The following AP2M1 variants were observed in gnomAD, a reference collection of about 807,000 sequenced individuals.
AP2M1 encodes the protein adaptor related protein complex 2 subunit mu 1.
Under a neutral mutation model 54.5 loss-of-function variants are expected in AP2M1, and 5 were observed. The observed-to-expected ratio is 0.09, with a 90% CI of 0.05 to 0.19. The LOEUF is 0.19. Ranked by LOEUF, AP2M1 falls within the 10% of genes least tolerant of loss-of-function variation. The probability of loss-of-function intolerance (pLI) is 1.00; values close to 1 mark genes in which losing one functional copy is unlikely to be tolerated. For missense variants in AP2M1, 178 were observed against 580.2 expected (o/e 0.31, Z 7.12); for synonymous variants, 186 against 208.2 (o/e 0.89, Z 0.92).
At chr3:184,176,447 G>A (rs897894053) in intron 1 of AP2M1, among the ~76,000 whole-genome samples, 1 of 152,150 alleles carries the variant, frequency 6.6e-6, no homozygotes, top group East Asian at 1.9e-4. Flanking sequence ...TTAGAGTGCC[G>A]GAAGTTCAGG....
rs1477034906 is a variant in AP2M1 at position 184,183,440 on chromosome 3, G to C, written c.1174-42G>C. 1 of 1,612,438 alleles carries C rather than the reference G, an allele frequency of 6.2e-7. No individual in the cohort carries two copies. Among genetic ancestry groups the C allele is most frequent in the Admixed American group, 1.7e-5 (1 of 59,950 alleles). ...CGGGACTTCCCAGAGGAGAGCGGCT[G>C]TAAGAGGAAGGCCACATTTCTAACT... On this transcript the variant is annotated intron_variant, in intron 11 of 11. Transcript: ENST00000292807. The surrounding 1 kb of genome is among the most constrained non-coding windows in gnomAD (Gnocchi z 5.7).
rs774599365 is a variant in AP2M1, at chr3:184,182,879, G to A, written c.1173+11G>A. The stretch of plus-strand genomic sequence containing the variant: ...TCCATGAACTTTGAGGTATGGCAGA[G>A]GAGGGGCCTAGAGTCATGCCAGGGT... On this transcript the variant is annotated intron_variant, in intron 11 of 11. Coordinates refer to ENST00000292807, the MANE Select transcript of AP2M1 (RefSeq NM_004068.4). The surrounding 1 kb of genome is among the most constrained non-coding windows in gnomAD (Gnocchi z 5.5). 6.2e-7 allele frequency: 1 copy of A among 1,609,778 alleles called. No homozygotes were observed. Among genetic ancestry groups the A allele is most frequent in the South Asian group, 1.1e-5 (1 of 90,798 alleles).
In AP2M1 at chr3:184,181,697, G is replaced by A. The variant is rs1225655503; in HGVS notation, c.709G>A (p.Gly237Arg). ...GACCTCTTCTGCCCCTGCTTGCAGCGGGAAGCAATCAATTGCCATTGATGA... is the reference window on the plus strand; with the variant it reads ...GACCTCTTCTGCCCCTGCTTGCAGCAGGAAGCAATCAATTGCCATTGATGA... The part of the protein sequence containing the change: ...KGTADETSKS[G>R]KQSIAIDDCT... Residue 237 changes from glycine to arginine, a missense_variant and splice_region_variant, in exon 8 of 12, where the codon GGG (glycine) becomes AGG (arginine). Around this residue, in one of 5 missense-constraint regions of AP2M1, gnomAD observed 115 missense variants for 331.2 expected, o/e 0.35. Transcript: ENST00000292807. The surrounding 1 kb of genome is among the most constrained non-coding windows in gnomAD (Gnocchi z 5.7). 2.5e-6 allele frequency: 4 copies of A among 1,613,716 alleles called. No homozygotes were observed. The highest frequency in any genetic ancestry group is 1.1e-5 in the South Asian group (1 of 91,078).
chr3:184,180,813 G>T lies in AP2M1; in HGVS notation c.430-36G>T, dbSNP rs202002749. The T allele has an allele frequency of 9.9e-5, 160 of 1,614,222 alleles. No homozygotes were observed. In the East Asian group the frequency reaches 3.5e-3, roughly 35 times the overall value. Reference sequence around the variant, plus strand: ...ACAGGATGATTAAAGGGACAGAGGAGTGAGGCCATTGCTGTTTGTTTCTGC... The same window carrying T: ...ACAGGATGATTAAAGGGACAGAGGATTGAGGCCATTGCTGTTTGTTTCTGC... On this transcript the variant is annotated intron_variant, in intron 5 of 11. Coordinates refer to ENST00000292807, the MANE Select transcript of AP2M1 (RefSeq NM_004068.4). This position sits in a 1 kb window ranked among gnomAD's most constrained non-coding sequence, Gnocchi z 4.9.
Position 184,178,289 on chromosome 3 carries a change from G to A in AP2M1, c.75-568G>A. The A allele has an allele frequency of 2.0e-6, 3 of 1,507,424 alleles. No individual in the cohort carries two copies. In the South Asian group the frequency reaches 3.6e-5, roughly 18 times the overall value. 93.4% of individuals were successfully genotyped at this position (1,507,424 alleles called of 1,614,324 possible). A position where few individuals can be genotyped will look rare whatever the true frequency, so the allele number is the denominator to read the frequency against. On this transcript the variant is annotated intron_variant, in intron 2 of 11. Coordinates refer to ENST00000292807, the MANE Select transcript of AP2M1 (RefSeq NM_004068.4). This position sits in a 1 kb window ranked among gnomAD's most constrained non-coding sequence, Gnocchi z 4.9. The stretch of plus-strand genomic sequence containing the variant: ...GGGGGCCTGCCCCCATCGTTTTCCT[G>A]CATCCTTTTTCATTCCCTCAACTTG...
In AP2M1 at chr3:184,181,576, C is replaced by A; in HGVS notation, c.708-120C>A. 7.2e-7 allele frequency: 1 copy of A among 1,383,980 alleles called. No individual in the cohort carries two copies. Among genetic ancestry groups the A allele is most frequent in the South Asian group, 1.3e-5 (1 of 78,530 alleles). 85.7% of individuals were successfully genotyped at this position (1,383,980 alleles called of 1,614,324 possible). A position where few individuals can be genotyped will look rare whatever the true frequency, so the allele number is the denominator to read the frequency against. ...AGCTCTGGGGCAGACCTCCGAGTCA[C>A]AAAGCTGCATTCTAGCAGCTTTTCA... On this transcript the variant is annotated intron_variant, in intron 7 of 11. Coordinates refer to ENST00000292807, the MANE Select transcript of AP2M1 (RefSeq NM_004068.4). The surrounding 1 kb of genome is among the most constrained non-coding windows in gnomAD (Gnocchi z 5.7).
rs1470988890 is a variant in AP2M1, at chr3:184,183,380, A to T, written c.1174-102A>T. 1 of 1,534,928 alleles carries T rather than the reference A, an allele frequency of 6.5e-7. No homozygotes were observed. The highest frequency in any genetic ancestry group is 8.8e-7 in the Non-Finnish European group (1 of 1,137,272). ...CTTCTTTCAGGACCCCAGCCATACA[A>T]ACACCTGTAGTAGCGATGAAGTAGG... On this transcript the variant is annotated intron_variant, in intron 11 of 11. Transcript: ENST00000292807. The surrounding 1 kb of genome is among the most constrained non-coding windows in gnomAD (Gnocchi z 5.7).
intron 2 of AP2M1, chr3:184,177,752 T>C (rs1264741253): frequency 3.7e-6 from 3 of 808,662 alleles, no homozygotes; most frequent in Non-Finnish European, 3.9e-6. Flanking sequence ...CACGCCCTTG[T>C]TCTTTGCGAC....
Position 184,183,801 on chromosome 3 carries a change from C to T in AP2M1, c.*185C>T, listed in dbSNP as rs1243008003. ...GGACCGGTGGAGCAGCCCCTGGGCTCCCTGGGCAGGGGAGTTCTGAGGCTC... is the reference window on the plus strand; with the variant it reads ...GGACCGGTGGAGCAGCCCCTGGGCTTCCTGGGCAGGGGAGTTCTGAGGCTC... On this transcript the variant is annotated 3_prime_UTR_variant, in exon 12 of 12. Coordinates refer to ENST00000292807, the MANE Select transcript of AP2M1 (RefSeq NM_004068.4). This position sits in a 1 kb window ranked among gnomAD's most constrained non-coding sequence, Gnocchi z 5.7. The T allele has an allele frequency of 4.6e-6, 3 of 657,624 alleles. No homozygotes were observed. The highest frequency in any genetic ancestry group is 3.0e-5 in the Admixed American group (1 of 33,524). 40.7% of individuals were successfully genotyped at this position (657,624 alleles called of 1,614,324 possible).
In AP2M1 at chr3:184,183,597, T is replaced by G; in HGVS notation, c.1289T>G (p.Ile430Ser). 6.2e-7 allele frequency: 1 copy of G among 1,613,812 alleles called. No individual in the cohort carries two copies. Among genetic ancestry groups the G allele is most frequent in the Non-Finnish European group, 8.5e-7 (1 of 1,180,002 alleles). Residue 430 changes from isoleucine (I) to serine (S), a missense_variant, in exon 12 of 12, where the codon ATT (isoleucine) becomes AGT (serine). Transcript: ENST00000292807. The surrounding 1 kb of genome is among the most constrained non-coding windows in gnomAD (Gnocchi z 5.7). Reference sequence around the variant, plus strand: ...GTGCGCTACATTGGCCGCAGTGGCATTTATGAAACTCGCTGCTAGCTGCCA... The same window carrying G: ...GTGCGCTACATTGGCCGCAGTGGCAGTTATGAAACTCGCTGCTAGCTGCCA... ...KWVRYIGRSG[I>S]YETRC is the part of the protein sequence containing the mutation.
Position 184,178,998 on chromosome 3 carries a change from T to C in AP2M1, c.216T>C (p.Asn72=), listed in dbSNP as rs562501180. The C allele has an allele frequency of 2.1e-5, 34 of 1,614,080 alleles. No homozygotes were observed. Among genetic ancestry groups the C allele is most frequent in the Admixed American group, 3.3e-5 (2 of 60,010 alleles). The part of the protein sequence containing the change: ...NIWLAAVTKQ[N]VNAAMVFEFL... ...GGCTGGCAGCAGTCACCAAGCAGAA[T>C]GTCAACGCTGCCATGGTCTTCGAAT... is the stretch of plus-strand genomic sequence containing the variant. The change falls in exon 3 of 12, where the codon AAT becomes AAC. Residue 72 remains asparagine, a synonymous_variant. Transcript: ENST00000292807. This position sits in a 1 kb window ranked among gnomAD's most constrained non-coding sequence, Gnocchi z 4.9.
At chr3:184,176,554 C>G (rs372140625) in intron 1 of AP2M1, among the ~76,000 whole-genome samples, 4 of 152,248 alleles carry the variant, frequency 2.6e-5, no homozygotes, top group Admixed American at 1.3e-4. Context: ...TGGAGTAATG[C>G]CTACCGCCAT....
Position 184,179,178 on chromosome 3 carries a change from G to A in AP2M1, c.340+56G>A, listed in dbSNP as rs2231217. 88,747 of 1,590,956 alleles carry A rather than the reference G, an allele frequency of 0.056. 2,832 individuals carry two copies. The highest frequency in any genetic ancestry group is 0.067 in the Non-Finnish European group (77,755 of 1,165,772). ...CGTAGGGTGGGAAAAAACCAGGCTG[G>A]GCCTGGCCTGAAGGTGGGTGTAGGT... On this transcript the variant is annotated intron_variant, in intron 3 of 11. Transcript: ENST00000292807.
chr3:184,178,798 C>T lies in AP2M1; in HGVS notation c.75-59C>T, dbSNP rs1715171436. The T allele has an allele frequency of 3.8e-6, 6 of 1,584,856 alleles. No individual in the cohort carries two copies. Among genetic ancestry groups the T allele is most frequent in the Non-Finnish European group, 4.3e-6 (5 of 1,162,670 alleles). On this transcript the variant is annotated intron_variant, in intron 2 of 11. Coordinates refer to ENST00000292807, the MANE Select transcript of AP2M1 (RefSeq NM_004068.4). This position sits in a 1 kb window ranked among gnomAD's most constrained non-coding sequence, Gnocchi z 4.9. ...GGGGCTGTTAGCAGCTGTGGTTGAT[C>T]CTTATGGGGTAAGGTTCACCTGGGT...
chr3:184,175,552 C>T (rs1349020623), intron 1 of AP2M1, among the ~76,000 whole-genome samples: 1 of 152,226 alleles, frequency 6.6e-6, no homozygotes, highest in Non-Finnish European at 1.5e-5. Flanking sequence ...TTATTCACCA[C>T]TGTCAGTTCC....
rs778900949 is a variant in AP2M1, at chr3:184,182,259, C to G, written c.1061+11C>G. 6.2e-7 allele frequency: 1 copy of G among 1,612,942 alleles called. No individual in the cohort carries two copies. The highest frequency in any genetic ancestry group is 1.1e-5 in the South Asian group (1 of 90,738). On this transcript the variant is annotated intron_variant, in intron 10 of 11. Coordinates refer to ENST00000292807, the MANE Select transcript of AP2M1 (RefSeq NM_004068.4). This position sits in a 1 kb window ranked among gnomAD's most constrained non-coding sequence, Gnocchi z 5.5. The stretch of plus-strand genomic sequence containing the variant: ...TGCCATCGTGTGGAAGTGAGTCTTT[C>G]CTTCATTAGGCCACAGCAGGGCTCA...
chr3:184,176,857 G>A, intron 1 of AP2M1, 94 bp from the exon 2 acceptor site: 4 of 841,672 alleles, frequency 4.8e-6, no homozygotes, highest in Non-Finnish European at 7.1e-6. Context: ...AAAGGGTTGA[G>A]TCAGGAAAGA....
At position 184,178,212 on chromosome 3, in the gene AP2M1, C is replaced by T. The variant is rs1194038565; in HGVS notation, c.75-645C>T. On this transcript the variant is annotated intron_variant, in intron 2 of 11. Coordinates refer to ENST00000292807, the MANE Select transcript of AP2M1 (RefSeq NM_004068.4). The surrounding 1 kb of genome is among the most constrained non-coding windows in gnomAD (Gnocchi z 4.9). Reference sequence around the variant, plus strand: ...TTCTCTCATCCCATCTCATTGGCTGCCGTAGCAATAGGTAAGCGGCCTCTC... The same window carrying T: ...TTCTCTCATCCCATCTCATTGGCTGTCGTAGCAATAGGTAAGCGGCCTCTC... 2 of 1,536,002 alleles carry T rather than the reference C, an allele frequency of 1.3e-6. No homozygotes were observed.
Position 184,178,284 on chromosome 3 carries a change from T to G in AP2M1, c.75-573T>G, listed in dbSNP as rs557143448. ...TGGGTGGGGGCCTGCCCCCATCGTT[T>G]TCCTGCATCCTTTTTCATTCCCTCA... On this transcript the variant is annotated intron_variant, in intron 2 of 11. Coordinates refer to ENST00000292807, the MANE Select transcript of AP2M1 (RefSeq NM_004068.4). The surrounding 1 kb of genome is among the most constrained non-coding windows in gnomAD (Gnocchi z 4.9). The G allele has an allele frequency of 1.2e-5, 18 of 1,513,128 alleles. No individual in the cohort carries two copies. The South Asian group carries it at 1.9e-4, about 16-fold the overall frequency. 93.7% of individuals were successfully genotyped at this position (1,513,128 alleles called of 1,614,324 possible).
Sources: gnomAD v4.1 joint callset for allele counts (sites outside exome capture counted in the v4.1 genomes callset) on GRCh38, gnomAD v4.1.1 for gene constraint, gnomAD v4.1.1 regional missense constraint, Gnocchi (gnomAD v3.1) non-coding constraint, MANE v1.5 for transcripts, NCBI Gene and HGNC (gene_info 2026-07-23, HGNC 2026-07-21) for gene names.